CRLF3: variants seen among roughly 807,000 people sequenced by gnomAD.
CRLF3 encodes the protein cytokine receptor like factor 3.
A neutral mutation model predicts 55.0 loss-of-function variants in CRLF3; 33 were observed. The observed-to-expected ratio is 0.60, with a 90% CI of 0.46 to 0.80. CRLF3 has a LOEUF of 0.80. Ranked by LOEUF, CRLF3 falls within the 30% of genes least tolerant of loss-of-function variation. CRLF3 has a pLI of 0.00. For synonymous variants in CRLF3, 238 were observed against 196.8 expected (o/e 1.21, Z -1.75); for missense variants, 494 against 538.4 (o/e 0.92, Z 0.82).
chr17:30,784,802 A>G (rs1032140143), intron 7 of CRLF3: 1 of 203,016 alleles, frequency 4.9e-6, no homozygotes, highest in Non-Finnish European at 1.0e-5. Flanking sequence ...CTTGTTGCCC[A>G]GGCTGGAGTG....
chr17:30,807,414 T>TCACGAC (rs1406309615), intron 1 of CRLF3, among the ~76,000 whole-genome samples: 1 of 151,266 alleles, frequency 6.6e-6, no homozygotes, highest in Non-Finnish European at 1.5e-5. Flanking sequence ...CCAGCAATGT[T>TCACGAC]CACGACCATG....
intron 4 of CRLF3, among the ~76,000 whole-genome samples, chr17:30,795,249 G>A (rs1184473421): frequency 1.3e-5 from 2 of 152,096 alleles, no homozygotes; most frequent in African/African-American, 4.8e-5. Context: ...GGGAGGCCGA[G>A]GTGGGCAGAT....
intron 1 of CRLF3, among the ~76,000 whole-genome samples, chr17:30,819,242 T>C (rs1294868196): frequency 6.6e-6 from 1 of 152,200 alleles, no homozygotes; most frequent in African/African-American, 2.4e-5. Flanking sequence ...AAAGCCAACA[T>C]AGTCATTTTA....
chr17:30,795,596 G>T (rs1286172286), intron 4 of CRLF3, among the ~76,000 whole-genome samples: 3 of 151,644 alleles, frequency 2.0e-5, no homozygotes, highest in Non-Finnish European at 4.4e-5. Context: ...TGAGGTCGGA[G>T]GTTGCATCGC....
intron 1 of CRLF3, among the ~76,000 whole-genome samples, 153 bp downstream of exon 1, chr17:30,824,370 T>C (rs1428912103): frequency 6.9e-6 from 1 of 144,828 alleles, no homozygotes; most frequent in Non-Finnish European, 1.5e-5. Flanking sequence ...ACCTTCCCCG[T>C]TCCCAGACTC....
At chr17:30,800,774 T>A (rs1296760271) in intron 2 of CRLF3, among the ~76,000 whole-genome samples, 1 of 135,188 alleles carries the variant, frequency 7.4e-6, no homozygotes, top group Admixed American at 7.4e-5. Flanking sequence ...GCCTGGCTAA[T>A]TTTTTTTTTT....
chr17:30,821,339 CAAAAA>C (rs112600272), intron 1 of CRLF3, among the ~76,000 whole-genome samples: 1 of 116,182 alleles, frequency 8.6e-6, no homozygotes. Flanking sequence ...GGTCCTTTCT[CAAAAA>C]AAAAAAAAAA....
chr17:30,791,822 C>CT (rs563916115), intron 6 of CRLF3, among the ~76,000 whole-genome samples: 1 of 151,598 alleles, frequency 6.6e-6, no homozygotes, highest in South Asian at 2.1e-4. Flanking sequence ...GGCCAGGCCT[C>CT]TAAATTTTTA....
At chr17:30,822,452 CTACATTAT>C (rs1301803399) in intron 1 of CRLF3, among the ~76,000 whole-genome samples, 1 of 152,146 alleles carries the variant, frequency 6.6e-6, no homozygotes, top group Non-Finnish European at 1.5e-5. Flanking sequence ...CAAAAGAGAA[CTACATTAT>C]TACTCAGTCT....
rs1341241104 is a variant in CRLF3, at chr17:30,793,429, G to T, written c.826+21C>A. 5 of 1,587,516 alleles carry T rather than the reference G, an allele frequency of 3.1e-6. No homozygotes were observed. In the East Asian group the frequency reaches 6.7e-5, roughly 21 times the overall value. ...TCTAATATATAGTTAGGCTTCAGGA[G>T]AGAAAAGGTTAGCAGCATACCATGA... On this transcript the variant is annotated intron_variant, in intron 5 of 7. Coordinates refer to ENST00000324238, the MANE Select transcript of CRLF3 (RefSeq NM_015986.4).
At chr17:30,793,342 C>T in intron 5 of CRLF3, 108 bp downstream of exon 5, 1 of 783,616 alleles carries the variant, frequency 1.3e-6, no homozygotes, top group South Asian at 1.7e-5. Context: ...CTTATCAATT[C>T]AGGATCTATG....
chr17:30,785,314 A>T (rs1480485072), intron 7 of CRLF3, among the ~76,000 whole-genome samples: 2 of 151,412 alleles, frequency 1.3e-5, no homozygotes, highest in East Asian at 3.9e-4. Context: ...TGACCTCGTG[A>T]TTTGCCCGCC....
chr17:30,814,609 A>G (rs1298321337), intron 1 of CRLF3, among the ~76,000 whole-genome samples: 3 of 151,714 alleles, frequency 2.0e-5, no homozygotes, highest in African/African-American at 7.3e-5. Flanking sequence ...CTGAGCTGAG[A>G]TCGTGCCACT....
chr17:30,812,082 C>T (rs1904646739), intron 1 of CRLF3, among the ~76,000 whole-genome samples: 1 of 151,478 alleles, frequency 6.6e-6, no homozygotes, highest in Non-Finnish European at 1.5e-5. Flanking sequence ...TGCACTCCAG[C>T]CTGGGCGACA....
At chr17:30,789,360 C>A (rs554788169) in intron 6 of CRLF3, among the ~76,000 whole-genome samples, 9 of 152,232 alleles carry the variant, frequency 5.9e-5, no homozygotes, top group African/African-American at 1.7e-4. Flanking sequence ...AAGAAATAAA[C>A]CTAACTATGC....
At chr17:30,823,225 G>A (rs1182537664) in intron 1 of CRLF3, among the ~76,000 whole-genome samples, 2 of 151,794 alleles carry the variant, frequency 1.3e-5, no homozygotes, top group Non-Finnish European at 1.5e-5. Flanking sequence ...AGCCGGGTGT[G>A]GTGGCGCAGA....
chr17:30,796,023 T>G, intron 4 of CRLF3, 137 bp downstream of exon 4: 1 of 501,566 alleles, frequency 2.0e-6, no homozygotes, highest in Non-Finnish European at 3.5e-6. Flanking sequence ...GTGACTTCAT[T>G]TTAACTGTAA....
In CRLF3 at chr17:30,793,634, C is replaced by G; in HGVS notation, c.642G>C (p.Gln214His). Reference sequence around the variant, plus strand: ...AATGATTTGAAGTACATTTACGAAACTGGAGCCTGTAATCTTGGGCTGTAA... The same window carrying G: ...AATGATTTGAAGTACATTTACGAAAGTGGAGCCTGTAATCTTGGGCTGTAA... ...DDFTAQDYRL[Q>H]FRKCTSNHFE... Residue 214 changes from glutamine to histidine, a missense_variant, in exon 5 of 8, where the codon CAG (glutamine) becomes CAC (histidine). Gln to His is a conservative substitution (Grantham distance 24). Transcript: ENST00000324238. 1 of 1,614,006 alleles carries G rather than the reference C, an allele frequency of 6.2e-7. No individual in the cohort carries two copies. Among genetic ancestry groups the G allele is most frequent in the Non-Finnish European group, 8.5e-7 (1 of 1,179,948 alleles).
chr17:30,792,515 C>G lies in CRLF3; in HGVS notation c.884G>C (p.Arg295Pro), dbSNP rs774317573. Residue 295 changes from arginine (R) to proline (P), a missense_variant, in exon 6 of 8, where the codon CGG becomes CCG. Coordinates refer to ENST00000324238, the MANE Select transcript of CRLF3 (RefSeq NM_015986.4). ...AACACCCGATGATTCAGAATCGTTC[C>G]GAAGTGCTATATTTCTTCGACTGCT... ...SLSSRRNIAL[R>P]NDSESSGVLY... 1.2e-6 allele frequency: 2 copies of G among 1,612,906 alleles called. No homozygotes were observed. The highest frequency in any genetic ancestry group is 8.5e-7 in the Non-Finnish European group (1 of 1,178,988).
Sources: allele counts gnomAD v4.1 joint callset (sites outside exome capture counted in the v4.1 genomes callset), GRCh38; gene constraint gnomAD v4.1.1; transcripts MANE v1.5; gene names NCBI Gene and HGNC (gene_info 2026-07-23, HGNC 2026-07-21).